Variants in RBPJ observed in about 807,000 individuals in gnomAD.
RBPJ encodes recombining binding protein suppressor of hairless.
Under a neutral mutation model 67.8 loss-of-function variants are expected in RBPJ, and 9 were observed. The ratio of observed to expected loss-of-function variants is 0.13; its 90% CI spans 0.08 to 0.23. RBPJ has a LOEUF of 0.23. Ranked by LOEUF, RBPJ falls within the 10% of genes least tolerant of loss-of-function variation. The pLI, the probability that RBPJ is intolerant of heterozygous loss-of-function variation, is 1.00. For synonymous variants in RBPJ, 198 were observed against 203.3 expected, an observed-to-expected ratio of 0.97 and a Z score of 0.22; for missense variants, 305 against 595.6, an observed-to-expected ratio of 0.51 and a Z score of 5.08.
intron 1 of RBPJ, among the ~76,000 whole-genome samples, chr4:26,269,198 A>G (rs1560237019): frequency 6.6e-6 from 1 of 151,026 alleles, no homozygotes; most frequent in Non-Finnish European, 1.5e-5. Context: ...CTCCTTGGCT[A>G]TTATTTTATT....
chr4:26,371,703 C>CA (rs1448499574), intron 1 of RBPJ, among the ~76,000 whole-genome samples: 8 of 152,152 alleles, frequency 5.3e-5, no homozygotes, highest in African/African-American at 1.9e-4. Context: ...TGGAATATTA[C>CA]AGTATTTCAT....
At chr4:26,364,935 T>C (rs1403139035) in intron 1 of RBPJ, among the ~76,000 whole-genome samples, 1 of 152,010 alleles carries the variant, frequency 6.6e-6, no homozygotes, top group Non-Finnish European at 1.5e-5. Flanking sequence ...TTTATAACTT[T>C]GTGGTTAAGA....
At chr4:26,172,969 G>A (rs1207088849) in intron 1 of RBPJ, among the ~76,000 whole-genome samples, 1 of 152,152 alleles carries the variant, frequency 6.6e-6, no homozygotes, top group Admixed American at 6.6e-5. Flanking sequence ...AGGGGCAGTC[G>A]TTCACAGGTT....
chr4:26,205,684 C>T (rs549719738), intron 1 of RBPJ, among the ~76,000 whole-genome samples: 80 of 152,190 alleles, frequency 5.3e-4, no homozygotes, highest in African/African-American at 1.9e-3. Flanking sequence ...CCTCCACCTC[C>T]CAGGTTAAAG....
chr4:26,185,787 C>T (rs1717225096), intron 1 of RBPJ, among the ~76,000 whole-genome samples: 3 of 152,290 alleles, frequency 2.0e-5, no homozygotes, highest in African/African-American at 4.8e-5. Flanking sequence ...GGGCCGGGCA[C>T]GGTGGCTCAC....
In RBPJ at chr4:26,306,520, G is replaced by A. The variant is rs186614315; in HGVS notation, c.-166-55926G>A. Among the ~76,000 whole-genome samples the A allele has an allele frequency of 1.2e-3, 175 of 151,788 alleles. 7 individuals are homozygous for A. Among genetic ancestry groups the A allele is most frequent in the Admixed American group, 0.011 (161 of 15,254 alleles). ...GCTGGAGTGCAATGGCGCGATCTCCGCTCACTGCAACCTCCACCTCCCAGG... is the reference window on the plus strand; with the variant it reads ...GCTGGAGTGCAATGGCGCGATCTCCACTCACTGCAACCTCCACCTCCCAGG... On this transcript the variant is annotated intron_variant, in intron 1 of 4. Transcript: ENST00000512351.
chr4:26,120,236 T>A, the RBPJ span, among the ~76,000 whole-genome samples: 1 of 152,160 alleles, frequency 6.6e-6, no homozygotes, highest in African/African-American at 2.4e-5. Flanking sequence ...TAATAAAACT[T>A]GTTGCTGAGA....
intron 1 of RBPJ, among the ~76,000 whole-genome samples, chr4:26,266,283 G>A (rs1204941295): frequency 6.6e-6 from 1 of 152,138 alleles, no homozygotes; most frequent in Non-Finnish European, 1.5e-5. Flanking sequence ...CCAAAGGACA[G>A]ATTAATAAGA....
At chr4:26,134,574 A>C in the RBPJ span, among the ~76,000 whole-genome samples, 7 of 152,204 alleles carry the variant, frequency 4.6e-5, no homozygotes, top group African/African-American at 1.7e-4. Context: ...GAAGACCCAC[A>C]TGGGTGCTCC....
intron 1 of RBPJ, among the ~76,000 whole-genome samples, chr4:26,372,007 G>A (rs1427290734): frequency 6.6e-6 from 1 of 152,080 alleles, no homozygotes; most frequent in Non-Finnish European, 1.5e-5. Flanking sequence ...TCCGACCTTC[G>A]TTTTTCCTTT....
At chr4:26,260,372 C>T (rs1720486648) in intron 1 of RBPJ, among the ~76,000 whole-genome samples, 1 of 152,156 alleles carries the variant, frequency 6.6e-6, no homozygotes, top group African/African-American at 2.4e-5. Flanking sequence ...ACTATTCTTT[C>T]ATTGTAGATT....
chr4:26,270,010 G>T (rs566184062), intron 1 of RBPJ, among the ~76,000 whole-genome samples: 19 of 152,072 alleles, frequency 1.2e-4, no homozygotes, highest in African/African-American at 4.6e-4. Context: ...GGCCAGGCAC[G>T]GCGGCTCAGA....
the RBPJ span, among the ~76,000 whole-genome samples, chr4:26,154,922 A>AC: frequency 6.6e-5 from 10 of 152,108 alleles, no homozygotes; most frequent in Admixed American, 6.5e-4. Flanking sequence ...GTGATGTAAT[A>AC]CCCCCCACCA....
the RBPJ span, among the ~76,000 whole-genome samples, chr4:26,157,098 C>CAAA: frequency 4.4e-3 from 117 of 26,380 alleles, 1 homozygote; most frequent in African/African-American, 8.5e-3. Context: ...AACAAACAAA[C>CAAA]AAAAACAAAC....
intron 1 of RBPJ, among the ~76,000 whole-genome samples, chr4:26,346,941 G>A (rs1440946451): frequency 3.3e-5 from 5 of 151,864 alleles, no homozygotes; most frequent in Non-Finnish European, 7.4e-5. Context: ...GCAGTGAGCC[G>A]AGATTGCGCC....
intron 2 of RBPJ, among the ~76,000 whole-genome samples, chr4:26,387,893 T>C (rs542419581): frequency 6.6e-6 from 1 of 152,294 alleles, no homozygotes; most frequent in East Asian, 1.9e-4. Context: ...AGTAGTGATA[T>C]AAAATTGGGT....
intron 3 of RBPJ, among the ~76,000 whole-genome samples, chr4:26,406,552 G>C (rs1437731743): frequency 6.6e-6 from 1 of 152,164 alleles, no homozygotes; most frequent in Non-Finnish European, 1.5e-5. Flanking sequence ...CTCGCAGATG[G>C]AACAATGGAG....
chr4:26,330,722 A>G (rs1457238421), intron 1 of RBPJ, among the ~76,000 whole-genome samples: 1 of 152,144 alleles, frequency 6.6e-6, no homozygotes, highest in Non-Finnish European at 1.5e-5. Flanking sequence ...TGTTGTTATG[A>G]CTGCGTAAAT....
chr4:26,361,690 T>C (rs765630586), intron 1 of RBPJ, among the ~76,000 whole-genome samples: 2 of 152,244 alleles, frequency 1.3e-5, no homozygotes, highest in African/African-American at 2.4e-5. Flanking sequence ...TTACTTTGTG[T>C]AGCTTGAGTG....
Sources: gnomAD v4.1 joint callset for allele counts (sites outside exome capture counted in the v4.1 genomes callset) on GRCh38, gnomAD v4.1.1 for gene constraint, MANE v1.5 for transcripts, NCBI Gene and HGNC (gene_info 2026-07-23, HGNC 2026-07-21) for gene names.